The following DHCR7 variants were observed in gnomAD, a reference collection of about 807,000 sequenced individuals.
DHCR7 encodes 7-dehydrocholesterol reductase.
In DHCR7, 40 loss-of-function variants were observed where a neutral mutation model predicts 43.3. The ratio of observed to expected loss-of-function variants is 0.92; its 90% CI spans 0.72 to 1.20. DHCR7 has a LOEUF of 1.20. Among genes scored for constraint, DHCR7 ranks in the 50% most tolerant of loss-of-function variants. The pLI, the probability that DHCR7 is intolerant of heterozygous loss-of-function variation, is 0.00. For missense variants in DHCR7, 608 were observed against 644.6 expected (o/e 0.94, Z 0.62); for synonymous variants, 298 against 271.4 (o/e 1.10, Z -0.96).
Position 71,441,287 on chromosome 11 carries a change from T to C in DHCR7, c.566A>G (p.Tyr189Cys), listed in dbSNP as rs2135944597. 1 of 1,614,204 alleles carries C rather than the reference T, an allele frequency of 6.2e-7. No individual in the cohort carries two copies. The highest frequency in any genetic ancestry group is 1.1e-5 in the South Asian group (1 of 91,072). Residue 189 changes from tyrosine (Y) to cysteine (C), a missense_variant, in exon 6 of 9, where the codon TAT becomes TGT. Physicochemically the swap from Tyr to Cys is radical, Grantham distance 194 (BLOSUM62 -2). Coordinates refer to ENST00000355527, the MANE Select transcript of DHCR7 (RefSeq NM_001360.3). ...GACCATGGCGAAGGTGGAGACGGCA[T>C]AGCCAAGGATGTTGGCGCACCACAG... ...PLLWCANILG[Y>C]AVSTFAMVKG...
chr11:71,427,373 C>T (rs1949205161), downstream of DHCR7, among the ~76,000 whole-genome samples: 1 of 152,106 alleles, frequency 6.6e-6, no homozygotes, highest in Admixed American at 6.5e-5. Flanking sequence ...GCAAGTCTTC[C>T]ATATTTTTAA....
At position 71,441,391 on chromosome 11, in the gene DHCR7, C is replaced by G; in HGVS notation, c.462G>C (p.Thr154=). The G allele has an allele frequency of 6.2e-7, 1 of 1,614,120 alleles. No individual in the cohort carries two copies. Among genetic ancestry groups the G allele is most frequent in the Non-Finnish European group, 8.5e-7 (1 of 1,180,000 alleles). Residue 154 remains threonine, a synonymous_variant, in exon 6 of 9, where the codon ACG becomes ACC. Coordinates refer to ENST00000355527, the MANE Select transcript of DHCR7 (RefSeq NM_001360.3). ...QINGLQAWLL[T]HLLWFANAHL... ...GAGCGTTTGCAAACCAGAGCAGGTG[C>G]GTGAGGAGCCAGGCTTGCAGGCCAT...
Position 71,439,074 on chromosome 11 carries a change from T to C in DHCR7, c.636A>G (p.Thr212=). 25 of 1,613,880 alleles carry C rather than the reference T, an allele frequency of 1.5e-5. No individual in the cohort carries two copies. Among genetic ancestry groups the C allele is most frequent in the Non-Finnish European group, 2.1e-5 (25 of 1,179,932 alleles). Reference sequence around the variant, plus strand: ...TCATGTAGTTGTAAAAGAAATTGCCTGTGAATTTGCTTAAAAATATAAATA... The same window carrying C: ...TCATGTAGTTGTAAAAGAAATTGCCCGTGAATTTGCTTAAAAATATAAATA... ...FPTSARDCKF[T]GNFFYNYMMG... is the part of the protein sequence containing the mutation. Residue 212 remains threonine (T), a synonymous_variant, in exon 7 of 9, where the codon ACA becomes ACG. Coordinates refer to ENST00000355527, the MANE Select transcript of DHCR7 (RefSeq NM_001360.3).
Position 71,441,386 on chromosome 11 carries a change from A to G in DHCR7, c.467T>C (p.Leu156Pro). Residue 156 changes from leucine (L) to proline (P), a missense_variant, in exon 6 of 9, where the codon CTG becomes CCG. By Grantham distance (98) the Leu-to-Pro change is moderately conservative (BLOSUM62 -3). Coordinates refer to ENST00000355527, the MANE Select transcript of DHCR7 (RefSeq NM_001360.3). ...GAGATGAGCGTTTGCAAACCAGAGC[A>G]GGTGCGTGAGGAGCCAGGCTTGCAG... is the stretch of plus-strand genomic sequence containing the variant. The part of the protein sequence containing the change: ...NGLQAWLLTH[L>P]LWFANAHLLS... 6.2e-7 allele frequency: 1 copy of G among 1,614,230 alleles called. No homozygotes were observed. The highest frequency in any genetic ancestry group is 8.5e-7 in the Non-Finnish European group (1 of 1,180,030).
chr11:71,435,681 C>A lies in DHCR7; in HGVS notation c.1122G>T (p.Lys374Asn). 1.2e-6 allele frequency: 2 copies of A among 1,613,138 alleles called. No homozygotes were observed. The highest frequency in any genetic ancestry group is 1.7e-6 in the Non-Finnish European group (2 of 1,179,906). The change falls in exon 9 of 9, where the codon AAG becomes AAT. Residue 374 changes from lysine to asparagine, a missense_variant. Physicochemically the swap from Lys to Asn is moderately conservative, Grantham distance 94 (BLOSUM62 0). Coordinates refer to ENST00000355527, the MANE Select transcript of DHCR7 (RefSeq NM_001360.3). ...TGTAGGAGCACTCGATGACCTTGGGCTTCCTGCCCCAGATGAGGCAGCGCC... is the reference window on the plus strand; with the variant it reads ...TGTAGGAGCACTCGATGACCTTGGGATTCCTGCCCCAGATGAGGCAGCGCC... ...TDGRCLIWGR[K>N]PKVIECSYTS... is the part of the protein sequence containing the mutation.
chr11:71,428,946 C>A, intron 2 of DHCR7: 2 of 438,802 alleles, frequency 4.6e-6, no homozygotes, highest in South Asian at 3.3e-5. Context: ...AAATGCCTCC[C>A]GCCTCCTCCT....
At chr11:71,439,269 C>T (rs895240906) in intron 6 of DHCR7, among the ~76,000 whole-genome samples, 186 bp from the exon 7 acceptor site, 8 of 152,188 alleles carry the variant, frequency 5.3e-5, no homozygotes, top group Non-Finnish European at 8.8e-5. Context: ...TGGTTCCTGG[C>T]GCCCTCATTC....
At chr11:71,440,513 G>A (rs1005566534) in intron 6 of DHCR7, among the ~76,000 whole-genome samples, 1 of 151,276 alleles carries the variant, frequency 6.6e-6, no homozygotes, top group Non-Finnish European at 1.5e-5. Context: ...AGATGGGCAG[G>A]TGGATGGGTG....
chr11:71,441,414 C>T lies in DHCR7; in HGVS notation c.439G>A (p.Gly147Ser), dbSNP rs1248898751. The T allele has an allele frequency of 1.1e-5, 17 of 1,613,678 alleles. No homozygotes were observed. Among genetic ancestry groups the T allele is most frequent in the Admixed American group, 1.7e-5 (1 of 59,968 alleles). Residue 147 changes from glycine (G) to serine (S), a missense_variant, in exon 6 of 9, where the codon GGC becomes AGC. Coordinates refer to ENST00000355527, the MANE Select transcript of DHCR7 (RefSeq NM_001360.3). ...TGCGTGAGGAGCCAGGCTTGCAGGC[C>T]ATTGATCTGATACTTGTTCACAACC... ...AGVVNKYQIN[G>S]LQAWLLTHLL... is the part of the protein sequence containing the mutation.
intron 8 of DHCR7, 84 bp downstream of exon 8, chr11:71,437,728 C>T: frequency 6.3e-7 from 1 of 1,592,224 alleles, no homozygotes. Flanking sequence ...TTTGGTGCCC[C>T]CAAGGACAGA....
At chr11:71,444,530 C>T (rs955357964) in intron 3 of DHCR7, among the ~76,000 whole-genome samples, 1 of 152,192 alleles carries the variant, frequency 6.6e-6, no homozygotes, top group African/African-American at 2.4e-5. Context: ...AGAGGATACT[C>T]ACCCTGCACG....
rs1474760263 is a variant in DHCR7, at chr11:71,435,306, G to A, written c.*69C>T. 6.5e-6 allele frequency: 10 copies of A among 1,529,634 alleles called. No individual in the cohort carries two copies. In the African/African-American group the frequency reaches 8.2e-5, roughly 12 times the overall value. 94.8% of individuals were successfully genotyped at this position (1,529,634 alleles called of 1,614,324 possible). ...AGGCTCCTCGAGTTGGAGCTGGGATGCCAGCCCCCATGGACCTGGCAGAAC... is the reference window on the plus strand; with the variant it reads ...AGGCTCCTCGAGTTGGAGCTGGGATACCAGCCCCCATGGACCTGGCAGAAC... On this transcript the variant is annotated 3_prime_UTR_variant, in exon 9 of 9. Transcript: ENST00000355527.
intron 4 of DHCR7, among the ~76,000 whole-genome samples, chr11:71,443,053 A>G (rs754532067): frequency 3.3e-5 from 5 of 152,228 alleles, no homozygotes; most frequent in African/African-American, 7.2e-5. Flanking sequence ...ACCACACAGT[A>G]TGCAGCCTCT....
downstream of DHCR7, among the ~76,000 whole-genome samples, chr11:71,430,282 C>G (rs974083941): frequency 2.6e-5 from 4 of 152,144 alleles, no homozygotes; most frequent in African/African-American, 4.8e-5. Context: ...AGGGGCGCCC[C>G]GTCTACTCAG....
downstream of DHCR7, among the ~76,000 whole-genome samples, chr11:71,430,829 G>A (rs575476313): frequency 6.6e-6 from 1 of 152,326 alleles, no homozygotes; most frequent in Non-Finnish European, 1.5e-5. Context: ...GATGGGGAGT[G>A]CATGCTGATT....
In DHCR7 at chr11:71,438,982, G is replaced by C. The variant is rs777248132; in HGVS notation, c.728C>G (p.Pro243Arg). 43 of 1,613,942 alleles carry C rather than the reference G, an allele frequency of 2.7e-5. No individual in the cohort carries two copies. Among genetic ancestry groups the C allele is most frequent in the Non-Finnish European group, 1.7e-6 (2 of 1,180,046 alleles). Residue 243 changes from proline (P) to arginine (R), a missense_variant, in exon 7 of 9, where the codon CCC (proline) becomes CGC (arginine). By Grantham distance (103) the Pro-to-Arg change is moderately radical (BLOSUM62 -2). Transcript: ENST00000355527. ...GATGAGGGTCCAGGCGACGATCCCG[G>C]GGCGCCCATTGAAGAACAGCTTGAA... is the stretch of plus-strand genomic sequence containing the variant. ...FDFKLFFNGRPGIVAWTLINL... is the reference protein window; with the variant it reads ...FDFKLFFNGRRGIVAWTLINL...
At chr11:71,440,858 A>C (rs947792224) in intron 6 of DHCR7, among the ~76,000 whole-genome samples, 1 of 152,108 alleles carries the variant, frequency 6.6e-6, no homozygotes, top group Non-Finnish European at 1.5e-5. Flanking sequence ...AGCCACAGGG[A>C]CAATAAGACT....
At chr11:71,436,794 C>T (rs191822971) in intron 8 of DHCR7, among the ~76,000 whole-genome samples, 8 of 152,340 alleles carry the variant, frequency 5.3e-5, no homozygotes, top group African/African-American at 1.7e-4. Flanking sequence ...CTTTCTTACA[C>T]GTATACCCTC....
At chr11:71,437,583 A>T (rs1481036159) in intron 8 of DHCR7, among the ~76,000 whole-genome samples, 1 of 152,124 alleles carries the variant, frequency 6.6e-6, no homozygotes, top group East Asian at 1.9e-4. Flanking sequence ...TGCCCCATCC[A>T]GCCCTGAGCC....
Sources: gnomAD v4.1 joint callset for allele counts (sites outside exome capture counted in the v4.1 genomes callset) on GRCh38, gnomAD v4.1.1 for gene constraint, MANE v1.5 for transcripts, NCBI Gene and HGNC (gene_info 2026-07-23, HGNC 2026-07-21) for gene names.